ACYP2: variants seen among roughly 807,000 people sequenced by gnomAD.
ACYP2 encodes the protein acylphosphatase-2.
In ACYP2, 12 loss-of-function variants were observed where a neutral mutation model predicts 11.2. The observed-to-expected ratio is 1.08, with a 90% CI of 0.69 to 1.74. The LOEUF (loss-of-function observed/expected upper bound fraction) is 1.74. ACYP2 is among the 40% of genes most tolerant of loss of function. The pLI is 0.00. For synonymous variants in ACYP2, 43 were observed against 32.2 expected (o/e 1.33, Z -1.13); for missense variants, 134 against 101.9 (o/e 1.31, Z -1.35).
chr2:54,165,088 A>AT (rs1035652859), intron 6 of ACYP2, among the ~76,000 whole-genome samples: 38 of 151,262 alleles, frequency 2.5e-4, no homozygotes, highest in Admixed American at 1.2e-3. Flanking sequence ...TATGTGCTAT[A>AT]TTTTTTTTTA....
At chr2:54,013,651 CA>C (rs1409516914) in intron 2 of ACYP2, among the ~76,000 whole-genome samples, 1 of 150,012 alleles carries the variant, frequency 6.7e-6, no homozygotes, top group East Asian at 2.0e-4. Context: ...CACTTCTATA[CA>C]AATCCTTGAC....
chr2:54,055,163 A>G (rs1418821398), intron 3 of ACYP2, among the ~76,000 whole-genome samples: 1 of 152,000 alleles, frequency 6.6e-6, no homozygotes, highest in African/African-American at 2.4e-5. Flanking sequence ...CAGCCTCCCA[A>G]GTAGCTGGGA....
At chr2:54,228,222 G>C (rs1686088804) in intron 6 of ACYP2, among the ~76,000 whole-genome samples, 1 of 152,182 alleles carries the variant, frequency 6.6e-6, no homozygotes, top group African/African-American at 2.4e-5. Flanking sequence ...GAAATTAGTA[G>C]ATATATAAGA....
At chr2:53,989,277 CTTTTTTTTTTT>C (rs775237196) in intron 2 of ACYP2, among the ~76,000 whole-genome samples, 7 of 94,806 alleles carry the variant, frequency 7.4e-5, no homozygotes, top group South Asian at 3.9e-4. Flanking sequence ...GTAGACAATT[CTTTTTTTTTTT>C]TTTTTTTTTT....
At chr2:54,152,983 A>T (rs889067070) in intron 6 of ACYP2, among the ~76,000 whole-genome samples, 1 of 152,090 alleles carries the variant, frequency 6.6e-6, no homozygotes, top group Non-Finnish European at 1.5e-5. Context: ...AAGTTTTGTC[A>T]ATTATGAGAC....
chr2:54,159,721 C>G (rs1682620882), intron 6 of ACYP2, among the ~76,000 whole-genome samples: 1 of 152,054 alleles, frequency 6.6e-6, no homozygotes, highest in African/African-American at 2.4e-5. Flanking sequence ...GAATGAAGCT[C>G]TGGGGCAGCA....
intron 6 of ACYP2, among the ~76,000 whole-genome samples, chr2:54,284,194 TAAAAAGCATCCAC>T (rs541512470): frequency 1.2e-3 from 190 of 152,328 alleles, no homozygotes; most frequent in African/African-American, 4.5e-3. Context: ...GCCAGACTCA[TAAAAAGCATCCAC>T]ATGCTTGTAG....
intron 2 of ACYP2, among the ~76,000 whole-genome samples, chr2:54,046,450 G>A (rs914519432): frequency 5.5e-5 from 8 of 146,082 alleles, no homozygotes; most frequent in East Asian, 4.0e-4. Context: ...CAGTGCCATC[G>A]CACTCCAGCC....
chr2:54,201,594 C>CTCTT (rs1553391220), intron 6 of ACYP2, among the ~76,000 whole-genome samples: 3,667 of 95,722 alleles, frequency 0.038, 125 homozygotes, highest in Middle Eastern at 0.081. Flanking sequence ...TTCTTTCTTT[C>CTCTT]TCTTTCTTTC....
At chr2:54,090,140 G>A (rs1183749950) in intron 4 of ACYP2, among the ~76,000 whole-genome samples, 4 of 139,838 alleles carry the variant, frequency 2.9e-5, no homozygotes, top group East Asian at 2.3e-4. Context: ...ATGATACTCC[G>A]TCTCAAAAAA....
rs185193700 is a variant in ACYP2 at position 54,276,169 on chromosome 2, C to T, written c.405-28519C>T. On this transcript the variant is annotated intron_variant, in intron 6 of 6. Transcript: ENST00000607452. ...TACCTTGAGTTTTTATCCCAAAATA[C>T]AACTTCATCCATGTCTTTACAGAAA... is the stretch of plus-strand genomic sequence containing the variant. Among the ~76,000 whole-genome samples the T allele has an allele frequency of 1.9e-4, 28 of 146,008 alleles. No individual in the cohort carries two copies. In the East Asian group the frequency reaches 5.1e-3, roughly 27 times the overall value.
At chr2:54,125,549 A>G (rs1007818714) in intron 4 of ACYP2, among the ~76,000 whole-genome samples, 4 of 151,208 alleles carry the variant, frequency 2.6e-5, no homozygotes, top group African/African-American at 9.7e-5. Flanking sequence ...CAGGAGTTTG[A>G]GACCAGCCTG....
At chr2:54,017,712 A>T (rs188924379) in intron 2 of ACYP2, among the ~76,000 whole-genome samples, 1 of 152,200 alleles carries the variant, frequency 6.6e-6, no homozygotes, top group Admixed American at 6.6e-5. Context: ...GTATTCCTTT[A>T]TCCCCATCTT....
At chr2:54,069,381 G>A (rs1676898953) in intron 4 of ACYP2, among the ~76,000 whole-genome samples, 1 of 152,276 alleles carries the variant, frequency 6.6e-6, no homozygotes, top group South Asian at 2.1e-4. Context: ...GCAAAATACA[G>A]GCTGGGCACG....
At chr2:54,195,801 T>TTTTTG (rs1349327115) in intron 6 of ACYP2, among the ~76,000 whole-genome samples, 3 of 137,084 alleles carry the variant, frequency 2.2e-5, no homozygotes, top group African/African-American at 8.5e-5. Context: ...TGGGTTTTTT[T>TTTTTG]TTTTTTTTTT....
chr2:54,117,611 A>G (rs1176063962), intron 4 of ACYP2, among the ~76,000 whole-genome samples: 2 of 152,164 alleles, frequency 1.3e-5, no homozygotes, highest in Non-Finnish European at 2.9e-5. Context: ...TATTAATGAG[A>G]AGACTGGGGG....
chr2:54,144,566 T>G (rs11689599), intron 6 of ACYP2, among the ~76,000 whole-genome samples: 33,148 of 150,764 alleles, frequency 0.22, 3,738 homozygotes, highest in East Asian at 0.3. Context: ...CCCAGCTACT[T>G]GGGAGGCTGA....
chr2:54,170,002 G>A (rs1363996877), intron 6 of ACYP2, among the ~76,000 whole-genome samples: 1 of 152,118 alleles, frequency 6.6e-6, no homozygotes, highest in Non-Finnish European at 1.5e-5. Flanking sequence ...ATGAAGATGT[G>A]ACTCTTAAAC....
intron 6 of ACYP2, among the ~76,000 whole-genome samples, chr2:54,145,674 TAAATTTGGTCA>T (rs1220386503): frequency 2.0e-5 from 3 of 152,216 alleles, no homozygotes. Flanking sequence ...TATTCACCTG[TAAATTTGGTCA>T]AATGATATTA....
Sources: allele counts gnomAD v4.1 joint callset (sites outside exome capture counted in the v4.1 genomes callset), GRCh38; gene constraint gnomAD v4.1.1; transcripts MANE v1.5; gene names NCBI Gene and HGNC (gene_info 2026-07-23, HGNC 2026-07-21).